DNAAF1: variants seen among roughly 807,000 people sequenced by gnomAD.
The protein encoded by DNAAF1 is dynein axonemal assembly factor 1.
Under a neutral mutation model 71.1 loss-of-function variants are expected in DNAAF1, and 65 were observed. The ratio of observed to expected loss-of-function variants is 0.91; its 90% confidence interval spans 0.75 to 1.12. The LOEUF (loss-of-function observed/expected upper bound fraction) is 1.12, where lower values mean the gene tolerates loss of function less well. Ranked by LOEUF, DNAAF1 falls within the 50% of genes most tolerant of loss-of-function variation. The pLI is 0.00. For synonymous variants in DNAAF1, 414 were observed against 354.6 expected (o/e 1.17, Z -1.88); for missense variants, 1,178 against 899.8 (o/e 1.31, Z -3.96).
chr16:84,154,845 A>G, intron 4 of DNAAF1, 47 bp downstream of exon 4: 1 of 1,437,078 alleles, frequency 7.0e-7, no homozygotes, highest in Non-Finnish European at 9.8e-7. Context: ...TATGTCCATC[A>G]CCTTCCCCTG....
intron 4 of DNAAF1, among the ~76,000 whole-genome samples, chr16:84,155,008 A>G (rs2087350230): frequency 6.6e-6 from 1 of 151,438 alleles, no homozygotes; most frequent in Admixed American, 6.6e-5. Context: ...TCCCGGGTTC[A>G]TGCCATTCTC....
chr16:84,174,856 T>C (rs961224583), intron 10 of DNAAF1, 134 bp downstream of exon 10: 5 of 1,115,866 alleles, frequency 4.5e-6, no homozygotes, highest in Non-Finnish European at 6.6e-6. Flanking sequence ...CCATATTCTT[T>C]TTCTTTTCTT....
rs1188239671 is a variant in DNAAF1 at position 84,170,173 on chromosome 16, C to A, written c.1345C>A (p.Pro449Thr). 1.2e-6 allele frequency: 2 copies of A among 1,610,442 alleles called. No homozygotes were observed. The highest frequency in any genetic ancestry group is 1.3e-5 in the African/African-American group (1 of 74,532). The change falls in exon 8 of 12, where the codon CCC becomes ACC. Residue 449 changes from proline to threonine, a missense_variant. Physicochemically the swap from Pro to Thr is conservative, Grantham distance 38 (BLOSUM62 -1). Coordinates refer to ENST00000378553, the MANE Select transcript of DNAAF1 (RefSeq NM_178452.6). The stretch of plus-strand genomic sequence containing the variant: ...GACCCTCCCAGCTGAGGCCCCACCA[C>A]CCCCGCCACCTGTGGAGGTTAAAGG... ...EGTLPAEAPP[P>T]PPPVEVKGED... is the part of the protein sequence containing the mutation.
intron 9 of DNAAF1, chr16:84,174,081 C>A (rs1597489456): frequency 1.9e-6 from 1 of 534,930 alleles, no homozygotes; most frequent in Non-Finnish European, 2.4e-6. Flanking sequence ...AAATGAGAAA[C>A]AGAGAGGTTA....
intron 9 of DNAAF1, chr16:84,172,621 C>T: frequency 1.5e-6 from 2 of 1,341,514 alleles, no homozygotes; most frequent in Non-Finnish European, 1.9e-6. Flanking sequence ...GTTTGGGGAG[C>T]CCTGACCCAA....
chr16:84,146,069 C>T lies in DNAAF1; in HGVS notation c.124+505C>T, dbSNP rs1440904093. Among the ~76,000 whole-genome samples, 4 of 151,998 alleles carry T rather than the reference C, an allele frequency of 2.6e-5. No individual in the cohort carries two copies. In the South Asian group the frequency reaches 6.2e-4, roughly 24 times the overall value. On this transcript the variant is annotated intron_variant, in intron 1 of 11. Transcript: ENST00000378553. ...CCAAGATCTCGCCATTGCATTCCAGCCCGGACGACAGTGGGAGACTCCGTC... is the reference window on the plus strand; with the variant it reads ...CCAAGATCTCGCCATTGCATTCCAGTCCGGACGACAGTGGGAGACTCCGTC...
chr16:84,172,566 A>G (rs1057147947), intron 9 of DNAAF1, 191 bp downstream of exon 9: 27 of 1,420,054 alleles, frequency 1.9e-5, no homozygotes, highest in Non-Finnish European at 2.2e-5. Context: ...TTAGAATCCA[A>G]CTTTCATGCA....
At chr16:84,159,903 A>T in intron 6 of DNAAF1, 107 bp downstream of exon 6, 1 of 1,379,740 alleles carries the variant, frequency 7.2e-7, no homozygotes, top group South Asian at 1.2e-5. Context: ...ACATATCAAA[A>T]ATGTTCTTTG....
intron 6 of DNAAF1, among the ~76,000 whole-genome samples, chr16:84,163,873 T>TTTG (rs1555523656): frequency 6.7e-6 from 1 of 149,362 alleles, no homozygotes; most frequent in Admixed American, 6.6e-5. Context: ...TTTTTTTTTT[T>TTTG]GTGGGGGACA....
chr16:84,177,298 G>C, intron 11 of DNAAF1: 1 of 279,810 alleles, frequency 3.6e-6, no homozygotes. Context: ...TTTTGTTTGA[G>C]ACAGTCTCGC....
At chr16:84,158,294 G>C (rs769939300) in intron 5 of DNAAF1, among the ~76,000 whole-genome samples, 2 of 152,192 alleles carry the variant, frequency 1.3e-5, no homozygotes, top group Non-Finnish European at 2.9e-5. Flanking sequence ...GCAGGGCTGG[G>C]TTCTCCTGAG....
chr16:84,172,551 A>G, intron 9 of DNAAF1, 176 bp downstream of exon 9: 2 of 1,439,380 alleles, frequency 1.4e-6, no homozygotes, highest in Non-Finnish European at 1.8e-6. Flanking sequence ...CCCCAGGCCC[A>G]CTGATTAGAA....
At chr16:84,176,664 G>A (rs2088686375) in intron 11 of DNAAF1, 1 of 360,030 alleles carries the variant, frequency 2.8e-6, no homozygotes, top group South Asian at 2.3e-5. Flanking sequence ...TCTAGACCAG[G>A]GCTTTTGGAG....
intron 2 of DNAAF1, 139 bp from the exon 3 acceptor site, chr16:84,150,112 A>T: frequency 1.1e-5 from 7 of 662,712 alleles, no homozygotes; most frequent in African/African-American, 9.1e-5. Context: ...AAAGAGAAAA[A>T]GACGAACTTA....
chr16:84,167,065 G>C (rs1343938342), intron 7 of DNAAF1, among the ~76,000 whole-genome samples: 2 of 152,120 alleles, frequency 1.3e-5, no homozygotes, highest in Non-Finnish European at 2.9e-5. Flanking sequence ...GAGTCTCAGG[G>C]TGTCGCCTGT....
rs138524811 is a variant in DNAAF1 at position 84,170,920 on chromosome 16, T to C, written c.1528+564T>C. ...ATGACATGTTTAATTTAACGCAATA[T>C]ATAAAAAATATAATCATGTTAACAT... On this transcript the variant is annotated intron_variant, in intron 8 of 11. Coordinates refer to ENST00000378553, the MANE Select transcript of DNAAF1 (RefSeq NM_178452.6). Among the ~76,000 whole-genome samples the C allele has an allele frequency of 3.7e-4, 57 of 152,224 alleles. 1 individual carries two copies. In the East Asian group the frequency reaches 0.01, roughly 27 times the overall value.
Position 84,155,585 on chromosome 16 carries a change from T to C in DNAAF1, c.577T>C (p.Cys193Arg). The C allele has an allele frequency of 1.2e-6, 2 of 1,614,150 alleles. No homozygotes were observed. The highest frequency in any genetic ancestry group is 1.7e-6 in the Non-Finnish European group (2 of 1,180,012). ...NYIKTIENLS[C>R]LPVLNTLQMA... Reference sequence around the variant, plus strand: ...CTTCTGCTGACCTTACCTTCCAGCCTGCCTCCCAGTCCTGAACACATTGCA... The same window carrying C: ...CTTCTGCTGACCTTACCTTCCAGCCCGCCTCCCAGTCCTGAACACATTGCA... The change falls in exon 5 of 12, where the codon TGC (cysteine) becomes CGC (arginine). Residue 193 changes from cysteine to arginine, a missense_variant and splice_region_variant. Coordinates refer to ENST00000378553, the MANE Select transcript of DNAAF1 (RefSeq NM_178452.6).
intron 9 of DNAAF1, chr16:84,172,941 G>A: frequency 9.9e-7 from 1 of 1,007,278 alleles, no homozygotes; most frequent in Non-Finnish European, 1.2e-6. Flanking sequence ...CCATTTTGTT[G>A]ACAGTCTCAA....
intron 5 of DNAAF1, chr16:84,159,178 A>G (rs1597436530): frequency 3.0e-6 from 3 of 1,001,158 alleles, no homozygotes; most frequent in African/African-American, 1.7e-5. Flanking sequence ...AAGCCGAGGA[A>G]GAAGGGCCGT....
Sources: allele counts gnomAD v4.1 joint callset (sites outside exome capture counted in the v4.1 genomes callset), GRCh38; gene constraint gnomAD v4.1.1; transcripts MANE v1.5; gene names NCBI Gene and HGNC (gene_info 2026-07-23, HGNC 2026-07-21).